Variants in NCAPH observed in about 807,000 individuals in gnomAD.
NCAPH encodes the protein condensin complex subunit 2.
A neutral mutation model predicts 85.5 loss-of-function variants in NCAPH; 38 were observed. That is an observed-to-expected ratio of 0.44 (90% CI 0.34 to 0.58). NCAPH has a LOEUF of 0.58. NCAPH is among the 20% of genes least tolerant of loss of function. NCAPH has a pLI of 0.01. For synonymous variants in NCAPH, 301 were observed against 335.1 expected (o/e 0.90, Z 1.11); for missense variants, 789 against 916.6 (o/e 0.86, Z 1.80).
intron 9 of NCAPH, among the ~76,000 whole-genome samples, chr2:96,358,704 G>T (rs2064559459): frequency 6.6e-6 from 1 of 152,178 alleles, no homozygotes. Context: ...TCCTGACCTT[G>T]TGATCCGCCC....
chr2:96,360,518 C>T, intron 11 of NCAPH, 70 bp from the exon 12 acceptor site: 4 of 1,574,464 alleles, frequency 2.5e-6, no homozygotes, highest in Non-Finnish European at 3.5e-6. Flanking sequence ...TCCCAGACTG[C>T]TTTAAAAAAA....
At position 96,341,902 on chromosome 2, in the gene NCAPH, G is replaced by T. The variant is rs767867415; in HGVS notation, c.272+8G>T. 2 of 1,606,894 alleles carry T rather than the reference G, an allele frequency of 1.2e-6. No homozygotes were observed. The highest frequency in any genetic ancestry group is 4.5e-5 in the East Asian group (2 of 44,834). On this transcript the variant is annotated splice_region_variant and intron_variant, in intron 2 of 17. Coordinates refer to ENST00000240423, the MANE Select transcript of NCAPH (RefSeq NM_015341.5). ...GGCCTCCCCCTCCAGCAGGTGAGGT[G>T]CTCCTGGGCTGTTTCTCCTTGAGGC...
chr2:96,361,773 TATATATATACAC>T (rs1431429786), intron 12 of NCAPH, among the ~76,000 whole-genome samples: 1 of 140,166 alleles, frequency 7.1e-6, no homozygotes, highest in Non-Finnish European at 1.5e-5. Context: ...TATATACATA[TATATATATACAC>T]ATATATATGT....
intron 6 of NCAPH, among the ~76,000 whole-genome samples, chr2:96,345,158 A>G (rs1655613051): frequency 6.6e-6 from 1 of 152,212 alleles, no homozygotes; most frequent in South Asian, 2.1e-4. Flanking sequence ...TAGGAGGAAA[A>G]CCAGAAGAGC....
intron 12 of NCAPH, among the ~76,000 whole-genome samples, chr2:96,361,765 T>TAC (rs201791742): frequency 0.21 from 27,758 of 133,310 alleles, 3,583 homozygotes; most frequent in South Asian, 0.55. Flanking sequence ...TATATATATA[T>TAC]ATACATATAT....
chr2:96,335,825 G>A lies in NCAPH; in HGVS notation c.-5G>A. The A allele has an allele frequency of 6.7e-7, 1 of 1,497,496 alleles. No individual in the cohort carries two copies. The highest frequency in any genetic ancestry group is 8.9e-7 in the Non-Finnish European group (1 of 1,126,472). The allele number at this position is 1,497,496 out of a possible 1,614,324, so 92.8% of individuals were successfully genotyped here. On this transcript the variant is annotated 5_prime_UTR_variant, in exon 1 of 18. Transcript: ENST00000240423. ...TAAAACCAGCTCAGGAGACGCCAAGGAAAGATGGGACCTCCCGGCCCAGGT... is the reference window on the plus strand; with the variant it reads ...TAAAACCAGCTCAGGAGACGCCAAGAAAAGATGGGACCTCCCGGCCCAGGT...
chr2:96,353,960 C>T (rs1004767888), intron 8 of NCAPH, among the ~76,000 whole-genome samples: 1 of 152,148 alleles, frequency 6.6e-6, no homozygotes, highest in African/African-American at 2.4e-5. Context: ...ATGTGCCTGA[C>T]AACAATGCAG....
rs145131587 is a variant in NCAPH at position 96,353,406 on chromosome 2, A to G, written c.1002+9A>G. On this transcript the variant is annotated intron_variant, in intron 8 of 17. Coordinates refer to ENST00000240423, the MANE Select transcript of NCAPH (RefSeq NM_015341.5). ...GTGAAACACATAATGAGGTGTGGTC[A>G]AGTTTTAGTGGCTCATGGTTTCAGT... is the stretch of plus-strand genomic sequence containing the variant. 9,979 of 1,611,456 alleles carry G rather than the reference A, an allele frequency of 6.2e-3. 57 individuals carry two copies. The highest frequency in any genetic ancestry group is 0.011 in the Middle Eastern group (66 of 6,054).
Position 96,341,730 on chromosome 2 carries a change from G to T in NCAPH, c.108G>T (p.Met36Ile). The change falls in exon 2 of 18, where the codon ATG becomes ATT. Residue 36 changes from methionine to isoleucine, a missense_variant. Coordinates refer to ENST00000240423, the MANE Select transcript of NCAPH (RefSeq NM_015341.5). The stretch of plus-strand genomic sequence containing the variant: ...CTCCTTCAGAGCGTGTGTTCCCGAT[G>T]CCCCTGCCCAGGAAGGCGCCTCTCA... ...ASSPSERVFP[M>I]PLPRKAPLNI... The T allele has an allele frequency of 1.2e-6, 2 of 1,614,216 alleles. No homozygotes were observed.
intron 4 of NCAPH, 56 bp downstream of exon 4, chr2:96,342,904 TACTTGGCATA>T: frequency 6.8e-7 from 1 of 1,461,204 alleles, no homozygotes; most frequent in African/African-American, 1.4e-5. Flanking sequence ...TGATTTCTAC[TACTTGGCATA>T]ACACAGTTGA....
intron 9 of NCAPH, among the ~76,000 whole-genome samples, chr2:96,358,758 G>A (rs183064226): frequency 4.9e-4 from 74 of 152,234 alleles, no homozygotes; most frequent in South Asian, 3.5e-3. Context: ...GTGAGCCACC[G>A]CGCCCAGCCA....
chr2:96,341,149 T>G (rs2064289165), intron 1 of NCAPH, among the ~76,000 whole-genome samples: 1 of 152,176 alleles, frequency 6.6e-6, no homozygotes, highest in African/African-American at 2.4e-5. Context: ...TCTGGATGAT[T>G]CTTTGGAACA....
At chr2:96,340,989 G>C (rs1558788372) in intron 1 of NCAPH, among the ~76,000 whole-genome samples, 2 of 152,100 alleles carry the variant, frequency 1.3e-5, no homozygotes, top group Non-Finnish European at 2.9e-5. Context: ...AATATTTCCT[G>C]GGTGATGCTA....
intron 17 of NCAPH, among the ~76,000 whole-genome samples, chr2:96,371,604 G>A (rs1429518378): frequency 6.6e-6 from 1 of 152,136 alleles, no homozygotes; most frequent in Admixed American, 6.5e-5. Context: ...CTCTTTTTAA[G>A]GGTCCCAGAG....
At chr2:96,352,834 G>T (rs868340996) in intron 7 of NCAPH, among the ~76,000 whole-genome samples, 2 of 152,144 alleles carry the variant, frequency 1.3e-5, no homozygotes, top group South Asian at 2.1e-4. Context: ...TTGTGCTAAC[G>T]ATCTATTTTC....
intron 1 of NCAPH, among the ~76,000 whole-genome samples, chr2:96,339,199 C>G (rs988964278): frequency 2.0e-5 from 3 of 152,236 alleles, no homozygotes; most frequent in African/African-American, 7.2e-5. Flanking sequence ...TTCTTTCTAC[C>G]ATGCTGAGGT....
chr2:96,347,513 A>G (rs1197600432), intron 6 of NCAPH, among the ~76,000 whole-genome samples: 1 of 152,152 alleles, frequency 6.6e-6, no homozygotes, highest in Non-Finnish European at 1.5e-5. Flanking sequence ...AATTAGAACA[A>G]GTAGGTGGAG....
intron 9 of NCAPH, among the ~76,000 whole-genome samples, chr2:96,358,376 C>G (rs892157041): frequency 3.3e-5 from 5 of 152,186 alleles, no homozygotes; most frequent in Non-Finnish European, 5.9e-5. Context: ...TGGCAAGAAG[C>G]ATGTGTGTGG....
intron 9 of NCAPH, among the ~76,000 whole-genome samples, chr2:96,356,476 G>A (rs955014445): frequency 6.6e-6 from 1 of 152,176 alleles, no homozygotes; most frequent in Non-Finnish European, 1.5e-5. Context: ...GGTGCCTTAT[G>A]TGTGTTATTT....
Sources: gnomAD v4.1 joint callset for allele counts (sites outside exome capture counted in the v4.1 genomes callset) on GRCh38, gnomAD v4.1.1 for gene constraint, MANE v1.5 for transcripts, NCBI Gene and HGNC (gene_info 2026-07-23, HGNC 2026-07-21) for gene names.